The following DLGAP2 variants were observed in gnomAD, a reference collection of about 807,000 sequenced individuals.
DLGAP2 encodes the protein disks large-associated protein 2.
A neutral mutation model predicts 100.3 loss-of-function variants in DLGAP2; 26 were observed. The ratio of observed to expected loss-of-function variants is 0.26; its 90% CI spans 0.19 to 0.36. The LOEUF (loss-of-function observed/expected upper bound fraction) is 0.36. Among genes scored for constraint, DLGAP2 ranks in the 10% least tolerant of loss-of-function variants. DLGAP2 has a pLI of 1.00. For synonymous variants in DLGAP2, 886 were observed against 630.1 expected (o/e 1.41, Z -6.08); for missense variants, 1,858 against 1,453.2 (o/e 1.28, Z -4.53).
At chr8:1,495,742 C>T (rs757012433) in intron 3 of DLGAP2, among the ~76,000 whole-genome samples, 4 of 152,214 alleles carry the variant, frequency 2.6e-5, no homozygotes, top group Non-Finnish European at 4.4e-5. Context: ...GAGTGGTGGC[C>T]GTGCTGGGTC....
chr8:1,618,231 A>G lies in DLGAP2; in HGVS notation c.1443-8509A>G, dbSNP rs1171063745. Among the ~76,000 whole-genome samples the G allele has an allele frequency of 5.9e-5, 9 of 152,378 alleles. No individual in the cohort carries two copies. The South Asian group carries it at 1.9e-3, about 32-fold the overall frequency. Reference sequence around the variant, plus strand: ...CATAGAAAACCTAAGGAAACTACAAATCAAATCCTGGAACAGATCATGCCA... The same window carrying G: ...CATAGAAAACCTAAGGAAACTACAAGTCAAATCCTGGAACAGATCATGCCA... On this transcript the variant is annotated intron_variant, in intron 6 of 14. Coordinates refer to ENST00000637795, the MANE Select transcript of DLGAP2 (RefSeq NM_001346810.2).
intron 3 of DLGAP2, among the ~76,000 whole-genome samples, chr8:1,303,851 G>C (rs923315261): frequency 2.6e-5 from 4 of 152,222 alleles, no homozygotes; most frequent in Non-Finnish European, 4.4e-5. Context: ...GCACCCTGCA[G>C]GTCTGGATGG....
chr8:738,365 G>A (rs1036982190), intron 1 of DLGAP2, among the ~76,000 whole-genome samples: 1 of 151,864 alleles, frequency 6.6e-6, no homozygotes, highest in Non-Finnish European at 1.5e-5. Flanking sequence ...ACCAGGATGG[G>A]GCCCTTGTGC....
intron 2 of DLGAP2, among the ~76,000 whole-genome samples, chr8:1,075,244 C>G (rs145641779): frequency 6.6e-6 from 1 of 152,118 alleles, no homozygotes; most frequent in African/African-American, 2.4e-5. Context: ...GCTGCCTTTT[C>G]GAGTTAGGAC....
chr8:1,347,056 G>C (rs1563096810), intron 3 of DLGAP2, among the ~76,000 whole-genome samples: 1 of 152,116 alleles, frequency 6.6e-6, no homozygotes, highest in Non-Finnish European at 1.5e-5. Context: ...ACTGTGCGGA[G>C]GATGAGTTCC....
intron 6 of DLGAP2, among the ~76,000 whole-genome samples, chr8:1,614,788 C>T (rs527752252): frequency 6.6e-6 from 1 of 152,354 alleles, no homozygotes; most frequent in South Asian, 2.1e-4. Flanking sequence ...ATTGAAGAAA[C>T]ACTCATACAG....
chr8:1,355,766 A>G (rs1457247715), intron 3 of DLGAP2, among the ~76,000 whole-genome samples: 1 of 152,070 alleles, frequency 6.6e-6, no homozygotes, highest in Non-Finnish European at 1.5e-5. Context: ...CAAGTGCCCC[A>G]CAGCTGTGTG....
At position 1,504,024 on chromosome 8, in the gene DLGAP2, C is replaced by T. The variant is rs536366973; in HGVS notation, c.172+2593C>T. Among the ~76,000 whole-genome samples the T allele has an allele frequency of 1.5e-4, 23 of 152,262 alleles. No homozygotes were observed. The South Asian group carries it at 3.3e-3, about 22-fold the overall frequency. ...AAGTGCACCTCGTGAGGAAGGTGGA[C>T]GCATTGGTTCCAGGGAGGCCTTTTA... On this transcript the variant is annotated intron_variant, in intron 4 of 14. Transcript: ENST00000637795.
intron 2 of DLGAP2, among the ~76,000 whole-genome samples, chr8:932,649 C>T (rs1243052807): frequency 6.6e-6 from 1 of 152,064 alleles, no homozygotes; most frequent in Non-Finnish European, 1.5e-5. Flanking sequence ...GCTATTATGC[C>T]TGCAATGTAG....
intron 6 of DLGAP2, among the ~76,000 whole-genome samples, chr8:1,624,992 A>G (rs1204026964): frequency 1.3e-5 from 2 of 152,170 alleles, no homozygotes; most frequent in Non-Finnish European, 2.9e-5. Flanking sequence ...ATGACTTTAA[A>G]TCTATAATGA....
At position 1,503,843 on chromosome 8, in the gene DLGAP2, C is replaced by G. The variant is rs190645089; in HGVS notation, c.172+2412C>G. Among the ~76,000 whole-genome samples the G allele has an allele frequency of 1.5e-4, 23 of 152,258 alleles. No individual in the cohort carries two copies. The East Asian group carries it at 2.5e-3, about 17-fold the overall frequency. ...TTGGTGACGGTTGGCTGAGAGGACC[C>G]TCAAACACGTGCCTGGCTTTCCCCT... is the stretch of plus-strand genomic sequence containing the variant. On this transcript the variant is annotated intron_variant, in intron 4 of 14. Transcript: ENST00000637795.
intron 2 of DLGAP2, among the ~76,000 whole-genome samples, chr8:1,062,581 A>G (rs779568389): frequency 1.3e-5 from 2 of 152,206 alleles, no homozygotes; most frequent in Non-Finnish European, 2.9e-5. Flanking sequence ...GCCAGCTGGT[A>G]GCACTCAACT....
At chr8:1,493,790 G>T (rs1452150118) in intron 3 of DLGAP2, among the ~76,000 whole-genome samples, 1 of 152,142 alleles carries the variant, frequency 6.6e-6, no homozygotes. Context: ...CGGTGGGCAC[G>T]TCAGGGGTAG....
chr8:981,471 T>C (rs1358416426), intron 2 of DLGAP2, among the ~76,000 whole-genome samples: 1 of 152,140 alleles, frequency 6.6e-6, no homozygotes, highest in Non-Finnish European at 1.5e-5. Context: ...GGTCATTTGG[T>C]AAATCTGTTT....
chr8:1,644,615 G>C (rs1797995756), intron 8 of DLGAP2, among the ~76,000 whole-genome samples: 1 of 152,192 alleles, frequency 6.6e-6, no homozygotes, highest in Admixed American at 6.5e-5. Context: ...TCCCTGACCA[G>C]GAGCTCCAGC....
intron 3 of DLGAP2, among the ~76,000 whole-genome samples, chr8:1,408,186 G>C (rs1445295585): frequency 6.6e-6 from 1 of 152,204 alleles, no homozygotes; most frequent in Non-Finnish European, 1.5e-5. Context: ...TATTCCCGTA[G>C]TTGAAGAACA....
intron 4 of DLGAP2, among the ~76,000 whole-genome samples, chr8:1,513,681 A>C (rs1427897158): frequency 6.6e-6 from 1 of 152,232 alleles, no homozygotes; most frequent in Admixed American, 6.5e-5. Context: ...TTTTCTCAGT[A>C]AAAGCTTCCT....
At chr8:1,441,991 C>T (rs929542335) in intron 3 of DLGAP2, among the ~76,000 whole-genome samples, 3 of 152,128 alleles carry the variant, frequency 2.0e-5, no homozygotes, top group African/African-American at 7.2e-5. Context: ...CCATGATCCT[C>T]AGCAAACTAA....
intron 4 of DLGAP2, 150 bp from the exon 5 acceptor site, chr8:1,548,476 A>T (rs1323154162): frequency 3.5e-6 from 2 of 572,570 alleles, no homozygotes; most frequent in Non-Finnish European, 5.4e-6. Context: ...AAAAAAAAAA[A>T]AAAAAAAACC....
Sources: gnomAD v4.1 joint callset for allele counts (sites outside exome capture counted in the v4.1 genomes callset) on GRCh38, gnomAD v4.1.1 for gene constraint, MANE v1.5 for transcripts, NCBI Gene and HGNC (gene_info 2026-07-23, HGNC 2026-07-21) for gene names.